Variants in CNTN5 observed in about 807,000 individuals in gnomAD.
CNTN5 encodes the protein contactin 5.
Under a neutral mutation model 129.1 loss-of-function variants are expected in CNTN5, and 77 were observed. That is an observed-to-expected ratio of 0.60 (90% CI 0.50 to 0.72). CNTN5 has a LOEUF of 0.72. Among genes scored for constraint, CNTN5 ranks in the 30% least tolerant of loss-of-function variants. The pLI is 0.00. For synonymous variants in CNTN5, 509 were observed against 465.6 expected (o/e 1.09, Z -1.20); for missense variants, 1,478 against 1,328.8 (o/e 1.11, Z -1.75).
chr11:100,092,195 G>A lies in CNTN5; in HGVS notation c.1580+17901G>A, dbSNP rs75439844. 8.9e-3 allele frequency among the ~76,000 whole-genome samples: 1,352 copies of A among 152,140 alleles called. 12 individuals carry two copies. The highest frequency in any genetic ancestry group is 0.015 in the Non-Finnish European group (990 of 67,972). Reference sequence around the variant, plus strand: ...TTAAGAATATTAACTAAGCTGAGTTGGATTTTCAAGAAAGCTTGTTTTCTA... The same window carrying A: ...TTAAGAATATTAACTAAGCTGAGTTAGATTTTCAAGAAAGCTTGTTTTCTA... On this transcript the variant is annotated intron_variant, in intron 13 of 24. Coordinates refer to ENST00000524871, the MANE Select transcript of CNTN5 (RefSeq NM_014361.4).
intron 16 of CNTN5, 92 bp downstream of exon 16, chr11:100,224,904 C>G: frequency 8.3e-7 from 1 of 1,206,828 alleles, no homozygotes. Flanking sequence ...CACATCAGTA[C>G]TGTGCATTTT....
intron 13 of CNTN5, among the ~76,000 whole-genome samples, chr11:100,141,525 C>T (rs931850704): frequency 3.9e-5 from 6 of 152,150 alleles, no homozygotes; most frequent in African/African-American, 9.7e-5. Context: ...AGAATAACAA[C>T]TTACCTCTAT....
chr11:99,194,744 T>C (rs1020866201), intron 1 of CNTN5, among the ~76,000 whole-genome samples: 1 of 152,164 alleles, frequency 6.6e-6, no homozygotes, highest in East Asian at 1.9e-4. Context: ...TAGCTGGGAC[T>C]ACAGGTGCAT....
chr11:99,145,679 A>G (rs1859749034), intron 1 of CNTN5, among the ~76,000 whole-genome samples: 1 of 152,084 alleles, frequency 6.6e-6, no homozygotes, highest in South Asian at 2.1e-4. Flanking sequence ...CCTTTTTAGT[A>G]GGTAAAAGAC....
intron 8 of CNTN5, among the ~76,000 whole-genome samples, chr11:100,000,222 A>G (rs981764139): frequency 7.9e-5 from 12 of 152,170 alleles, no homozygotes; most frequent in Admixed American, 5.9e-4. Context: ...TGAGACAAGA[A>G]TAGTCCTTTC....
intron 2 of CNTN5, among the ~76,000 whole-genome samples, chr11:99,442,408 G>T (rs554474738): frequency 6.6e-6 from 1 of 152,254 alleles, no homozygotes; most frequent in East Asian, 1.9e-4. Context: ...GACCTTAGGT[G>T]ATCCACCCAC....
chr11:100,348,671 C>G (rs1397041769), intron 23 of CNTN5, among the ~76,000 whole-genome samples: 1 of 151,966 alleles, frequency 6.6e-6, no homozygotes, highest in Non-Finnish European at 1.5e-5. Context: ...CATGGATGAT[C>G]AGAATTCTAA....
At chr11:100,172,212 C>T (rs889558201) in intron 13 of CNTN5, among the ~76,000 whole-genome samples, 2 of 151,892 alleles carry the variant, frequency 1.3e-5, no homozygotes, top group Non-Finnish European at 2.9e-5. Flanking sequence ...AACTTTCACT[C>T]CCTGCCACCC....
At chr11:99,808,661 G>C (rs1009991071) in intron 3 of CNTN5, among the ~76,000 whole-genome samples, 3 of 152,078 alleles carry the variant, frequency 2.0e-5, no homozygotes, top group African/African-American at 7.2e-5. Flanking sequence ...ACTTTTTCAC[G>C]TGCTGGGTAG....
intron 1 of CNTN5, among the ~76,000 whole-genome samples, chr11:99,150,683 T>C (rs996664184): frequency 3.9e-5 from 6 of 152,060 alleles, no homozygotes; most frequent in Admixed American, 3.9e-4. Context: ...GATAAAGATT[T>C]AGTAAGAATA....
intron 6 of CNTN5, among the ~76,000 whole-genome samples, chr11:99,904,759 C>A (rs969332505): frequency 6.6e-6 from 1 of 152,198 alleles, no homozygotes; most frequent in Non-Finnish European, 1.5e-5. Context: ...CTCCCACCAA[C>A]AGTGTAAAAG....
At chr11:99,519,323 ACTC>A (rs1163760953) in intron 2 of CNTN5, among the ~76,000 whole-genome samples, 1 of 151,748 alleles carries the variant, frequency 6.6e-6, no homozygotes, top group Non-Finnish European at 1.5e-5. Context: ...CTTATGCAAT[ACTC>A]TTCTTCTTAA....
At chr11:100,009,881 T>A (rs1940420728) in intron 9 of CNTN5, among the ~76,000 whole-genome samples, 1 of 152,206 alleles carries the variant, frequency 6.6e-6, no homozygotes. Flanking sequence ...TCAGGCAGAC[T>A]TAATTAACTG....
intron 3 of CNTN5, among the ~76,000 whole-genome samples, chr11:99,587,571 G>A (rs1186785837): frequency 6.6e-6 from 1 of 151,960 alleles, no homozygotes; most frequent in African/African-American, 2.4e-5. Context: ...TCATATGTGT[G>A]GCTGCATTAG....
chr11:99,881,721 T>C (rs1001969487), intron 6 of CNTN5, among the ~76,000 whole-genome samples: 24 of 152,352 alleles, frequency 1.6e-4, no homozygotes, highest in African/African-American at 5.8e-4. Context: ...GATTTTTTAC[T>C]GGTACAGAAG....
At chr11:100,013,872 T>G (rs1467893119) in intron 9 of CNTN5, among the ~76,000 whole-genome samples, 1 of 152,224 alleles carries the variant, frequency 6.6e-6, no homozygotes, top group Admixed American at 6.5e-5. Context: ...ATGACAATAC[T>G]CAATTTTTAA....
Position 100,193,497 on chromosome 11 carries a change from G to T in CNTN5, c.1718G>T (p.Arg573Met), listed in dbSNP as rs780247701. ...IASLSVKEPTRIELTPKRTEL... is the reference protein window; with the variant it reads ...IASLSVKEPTMIELTPKRTEL... ...ATTTTTATTTCTATAGAACCTACAA[G>T]GATAGAACTTACTCCTAAAAGAACA... The change falls in exon 15 of 25, where the codon AGG (arginine) becomes ATG (methionine). Residue 573 changes from arginine to methionine, a missense_variant. Physicochemically the swap from Arg to Met is moderately conservative, Grantham distance 91. Coordinates refer to ENST00000524871, the MANE Select transcript of CNTN5 (RefSeq NM_014361.4). 2 of 1,585,286 alleles carry T rather than the reference G, an allele frequency of 1.3e-6. No homozygotes were observed. The highest frequency in any genetic ancestry group is 2.3e-5 in the South Asian group (2 of 88,170).
At chr11:99,330,913 G>A (rs1865972707) in intron 2 of CNTN5, among the ~76,000 whole-genome samples, 1 of 151,460 alleles carries the variant, frequency 6.6e-6, no homozygotes, top group African/African-American at 2.4e-5. Context: ...CTTGATAAAG[G>A]AGATGCCTAA....
intron 1 of CNTN5, among the ~76,000 whole-genome samples, chr11:99,125,124 C>A (rs571067502): frequency 6.6e-6 from 1 of 152,032 alleles, no homozygotes; most frequent in Non-Finnish European, 1.5e-5. Flanking sequence ...GTGTGGCCAA[C>A]ATTATCCTGA....
Sources: gnomAD v4.1 joint callset for allele counts (sites outside exome capture counted in the v4.1 genomes callset) on GRCh38, gnomAD v4.1.1 for gene constraint, MANE v1.5 for transcripts, NCBI Gene and HGNC (gene_info 2026-07-23, HGNC 2026-07-21) for gene names.